UBR3: variants seen among roughly 807,000 people sequenced by gnomAD.
The protein encoded by UBR3 is ubiquitin protein ligase E3 component n-recognin 3.
In UBR3, 85 loss-of-function variants were observed where a neutral mutation model predicts 243.2. The ratio of observed to expected loss-of-function variants is 0.35; its 90% CI spans 0.29 to 0.42. The LOEUF (loss-of-function observed/expected upper bound fraction) is 0.42, where lower values mean the gene tolerates loss of function less well. UBR3 is among the 10% of genes least tolerant of loss of function. The pLI is 1.00. For missense variants in UBR3, 1,686 were observed against 2,300.8 expected, an observed-to-expected ratio of 0.73 and a Z score of 5.47; for synonymous variants, 748 against 799.8, an observed-to-expected ratio of 0.94 and a Z score of 1.09.
At chr2:170,073,131 G>A (rs557341193) in intron 35 of UBR3, among the ~76,000 whole-genome samples, 80 of 152,210 alleles carry the variant, frequency 5.3e-4, no homozygotes, top group African/African-American at 1.7e-3. Flanking sequence ...TCATAGAGTA[G>A]CTAGGTTCTA....
At chr2:170,062,802 T>C (rs1289508225) in intron 35 of UBR3, among the ~76,000 whole-genome samples, 1 of 152,198 alleles carries the variant, frequency 6.6e-6, no homozygotes, top group Non-Finnish European at 1.5e-5. Flanking sequence ...GAGGCAGAAG[T>C]TCTTGAGCTG....
intron 1 of UBR3, among the ~76,000 whole-genome samples, chr2:169,851,748 G>C (rs2082664379): frequency 6.7e-6 from 1 of 149,462 alleles, no homozygotes; most frequent in Non-Finnish European, 1.5e-5. Context: ...TGAGGCAGGA[G>C]AATCACTTGA....
chr2:169,834,424 G>C (rs1165787472), intron 1 of UBR3, among the ~76,000 whole-genome samples: 1 of 152,114 alleles, frequency 6.6e-6, no homozygotes, highest in Non-Finnish European at 1.5e-5. Context: ...TATGTATGAG[G>C]ATACATTCCT....
At chr2:169,949,187 A>C (rs1310260930) in intron 22 of UBR3, among the ~76,000 whole-genome samples, 1 of 152,028 alleles carries the variant, frequency 6.6e-6, no homozygotes, top group Non-Finnish European at 1.5e-5. Flanking sequence ...TTTAAAAACT[A>C]ATTTATAATT....
At chr2:169,996,535 A>C (rs2089483108) in intron 26 of UBR3, among the ~76,000 whole-genome samples, 1 of 152,164 alleles carries the variant, frequency 6.6e-6, no homozygotes, top group African/African-American at 2.4e-5. Flanking sequence ...AGTTTGGGTT[A>C]GGTAATAAGG....
chr2:170,014,085 T>TATC (rs2090163043), intron 29 of UBR3: 3 of 310,518 alleles, frequency 9.7e-6, no homozygotes, highest in Non-Finnish European at 2.0e-5. Context: ...AGCTGGAACG[T>TATC]TATCGGTGTT....
At chr2:170,008,010 CA>C (rs2089975131) in intron 28 of UBR3, among the ~76,000 whole-genome samples, 1 of 152,056 alleles carries the variant, frequency 6.6e-6, no homozygotes, top group African/African-American at 2.4e-5. Context: ...GATATATTTA[CA>C]CAGACATGCA....
At chr2:169,997,413 G>A (rs1165796878) in intron 26 of UBR3, among the ~76,000 whole-genome samples, 2 of 152,082 alleles carry the variant, frequency 1.3e-5, no homozygotes, top group Non-Finnish European at 1.5e-5. Context: ...AGTGGCACCC[G>A]AAAACTCAGA....
At chr2:169,857,620 T>A (rs1198132485) in intron 1 of UBR3, among the ~76,000 whole-genome samples, 1 of 150,928 alleles carries the variant, frequency 6.6e-6, no homozygotes, top group Non-Finnish European at 1.5e-5. Context: ...AGAGGTGGGG[T>A]TTCACCATGT....
chr2:169,856,399 C>G (rs6433152), intron 1 of UBR3, among the ~76,000 whole-genome samples: 149,950 of 151,930 alleles, frequency 0.99, 74,019 homozygotes, highest in East Asian at 1. Flanking sequence ...TGGGCGGCTG[C>G]GCAGAGACGC....
At chr2:169,857,880 C>T (rs2082945360) in intron 1 of UBR3, among the ~76,000 whole-genome samples, 1 of 152,022 alleles carries the variant, frequency 6.6e-6, no homozygotes, top group African/African-American at 2.4e-5. Flanking sequence ...TAGCTGGGAC[C>T]ATAGGTGTGC....
intron 10 of UBR3, among the ~76,000 whole-genome samples, chr2:169,908,109 T>C (rs1270654073): frequency 6.6e-6 from 1 of 152,234 alleles, no homozygotes; most frequent in African/African-American, 2.4e-5. Flanking sequence ...GTGTCCTTTC[T>C]TGATTCCTGT....
intron 30 of UBR3, among the ~76,000 whole-genome samples, chr2:170,019,233 T>G (rs1182974744): frequency 6.6e-6 from 1 of 152,192 alleles, no homozygotes; most frequent in African/African-American, 2.4e-5. Flanking sequence ...TTAATTTTGA[T>G]GTAATCTATG....
At chr2:169,842,644 T>G (rs1328018234) in intron 1 of UBR3, among the ~76,000 whole-genome samples, 1 of 152,022 alleles carries the variant, frequency 6.6e-6, no homozygotes, top group Non-Finnish European at 1.5e-5. Flanking sequence ...ACGCGCTGCC[T>G]TAAGAGCTGT....
At chr2:170,066,481 T>C (rs1271790485) in intron 35 of UBR3, among the ~76,000 whole-genome samples, 1 of 149,906 alleles carries the variant, frequency 6.7e-6, no homozygotes, top group Non-Finnish European at 1.5e-5. Context: ...AAAATAGTTA[T>C]AAGATTCTCT....
At chr2:169,956,440 AAG>A (rs1357473496) in intron 23 of UBR3, among the ~76,000 whole-genome samples, 3 of 151,926 alleles carry the variant, frequency 2.0e-5, no homozygotes, top group African/African-American at 7.3e-5. Context: ...TCAGAAAGGG[AAG>A]AGAGGGGATG....
At chr2:170,004,132 T>A (rs1356208428) in intron 27 of UBR3, among the ~76,000 whole-genome samples, 1 of 152,176 alleles carries the variant, frequency 6.6e-6, no homozygotes, top group East Asian at 1.9e-4. Context: ...GAAGAGTCAT[T>A]GTGACAGTTG....
At chr2:170,048,540 C>T (rs1389537173) in intron 32 of UBR3, among the ~76,000 whole-genome samples, 1 of 152,198 alleles carries the variant, frequency 6.6e-6, no homozygotes, top group Non-Finnish European at 1.5e-5. Context: ...TCCTGACCTT[C>T]CTCAAAGGAC....
chr2:169,967,014 T>C (rs2087843419), intron 24 of UBR3, among the ~76,000 whole-genome samples: 1 of 152,208 alleles, frequency 6.6e-6, no homozygotes, highest in Non-Finnish European at 1.5e-5. Context: ...ATGTTAACTG[T>C]GTACTCAGCA....
Sources: allele counts gnomAD v4.1 joint callset (sites outside exome capture counted in the v4.1 genomes callset), GRCh38; gene constraint gnomAD v4.1.1; transcripts MANE v1.5; gene names NCBI Gene and HGNC (gene_info 2026-07-23, HGNC 2026-07-21).